Variants in DDR2 observed in about 807,000 individuals in gnomAD.
The protein encoded by DDR2 is discoidin domain-containing receptor 2.
In DDR2, 27 loss-of-function variants were observed where a neutral mutation model predicts 94.9. The observed-to-expected ratio is 0.28, with a 90% CI of 0.21 to 0.39. DDR2 has a LOEUF of 0.39. Among genes scored for constraint, DDR2 ranks in the 10% least tolerant of loss-of-function variants. DDR2 has a pLI of 1.00. For synonymous variants in DDR2, 382 were observed against 377.2 expected (o/e 1.01, Z -0.15); for missense variants, 783 against 1,076.0 (o/e 0.73, Z 3.81).
chr1:162,652,264 T>C (rs1346015938), intron 1 of DDR2, among the ~76,000 whole-genome samples: 1 of 152,220 alleles, frequency 6.6e-6, no homozygotes, highest in Non-Finnish European at 1.5e-5. Flanking sequence ...GTTTTCTGTA[T>C]GCCTTATGGA....
intron 3 of DDR2, among the ~76,000 whole-genome samples, chr1:162,745,814 A>C (rs1286665645): frequency 6.6e-6 from 1 of 152,200 alleles, no homozygotes; most frequent in Non-Finnish European, 1.5e-5. Context: ...TTGTGGTTCC[A>C]TATAAATTTT....
At chr1:162,645,477 T>C (rs1657361072) in intron 1 of DDR2, among the ~76,000 whole-genome samples, 1 of 152,152 alleles carries the variant, frequency 6.6e-6, no homozygotes, top group Non-Finnish European at 1.5e-5. Flanking sequence ...AAATCAAATA[T>C]AACTATGAAA....
Position 162,715,235 on chromosome 1 carries a change from T to G in DDR2, c.-27-3802T>G, listed in dbSNP as rs564760597. Among the ~76,000 whole-genome samples, 3 of 152,228 alleles carry G rather than the reference T, an allele frequency of 2.0e-5. No homozygotes were observed. In the South Asian group the frequency reaches 6.2e-4, roughly 32 times the overall value. ...GTAGTGTTGAGACTACAACAACGAA[T>G]AAAATGAACATGGAGCTTGTGTGTG... On this transcript the variant is annotated intron_variant, in intron 2 of 17. Coordinates refer to ENST00000367921, the MANE Select transcript of DDR2 (RefSeq NM_006182.4).
chr1:162,779,969 A>C, intron 17 of DDR2, 143 bp from the exon 18 acceptor site: 1 of 1,207,122 alleles, frequency 8.3e-7, no homozygotes, highest in Non-Finnish European at 1.2e-6. Flanking sequence ...AAAAATGGAC[A>C]CTACACCCAT....
At chr1:162,664,001 T>C (rs1658427420) in intron 2 of DDR2, among the ~76,000 whole-genome samples, 1 of 151,762 alleles carries the variant, frequency 6.6e-6, no homozygotes, top group Non-Finnish European at 1.5e-5. Flanking sequence ...GAACTGAAAA[T>C]ATCCAAGAGT....
intron 1 of DDR2, among the ~76,000 whole-genome samples, chr1:162,649,500 CA>C (rs1371970366): frequency 2.0e-5 from 3 of 152,122 alleles, no homozygotes; most frequent in Non-Finnish European, 4.4e-5. Flanking sequence ...TCAGTTTCCC[CA>C]GGGGTTATGT....
rs1286548568 is a variant in DDR2, at chr1:162,754,704, T to C, written c.266T>C (p.Ile89Thr). ...EPDDLKEFLQ[I>T]DLHTLHFITL... ...GATGACCTGAAGGAGTTTCTGCAGATTGACTTGCACACCCTCCATTTTATC... is the reference window on the plus strand; with the variant it reads ...GATGACCTGAAGGAGTTTCTGCAGACTGACTTGCACACCCTCCATTTTATC... Residue 89 changes from isoleucine to threonine, a missense_variant, in exon 5 of 18, where the codon ATT (isoleucine) becomes ACT (threonine). This residue lies in a region of DDR2 where 519 missense variants were observed against 647.9 expected (regional missense o/e 0.80). Coordinates refer to ENST00000367921, the MANE Select transcript of DDR2 (RefSeq NM_006182.4). 10 of 1,614,126 alleles carry C rather than the reference T, an allele frequency of 6.2e-6. No individual in the cohort carries two copies. Among genetic ancestry groups the C allele is most frequent in the African/African-American group, 2.7e-5 (2 of 75,036 alleles).
chr1:162,718,925 G>T (rs568551968), intron 2 of DDR2, 112 bp from the exon 3 acceptor site: 3 of 1,110,306 alleles, frequency 2.7e-6, no homozygotes, highest in Non-Finnish European at 4.0e-6. Flanking sequence ...AACAAACACT[G>T]CAGGAACACA....
In DDR2 at chr1:162,780,415, A is replaced by ATG; in HGVS notation, c.*170_*171insGT. ...CCCCCACTCCCTACCCCTGACTCATATACACTTTTTTTTTTTTTTACATTA... is the reference window on the plus strand; with the variant it reads ...CCCCCACTCCCTACCCCTGACTCATATGTACACTTTTTTTTTTTTTTACATTA... On this transcript the variant is annotated 3_prime_UTR_variant, in exon 18 of 18. Coordinates refer to ENST00000367921, the MANE Select transcript of DDR2 (RefSeq NM_006182.4). The ATG allele has an allele frequency of 1.3e-6, 1 of 744,638 alleles. No homozygotes were observed. The highest frequency in any genetic ancestry group is 1.9e-6 in the Non-Finnish European group (1 of 527,590). 46.1% of individuals were successfully genotyped at this position (744,638 alleles called of 1,614,324 possible).
At position 162,747,781 on chromosome 1, in the gene DDR2, A is replaced by G. The variant is rs142305405; in HGVS notation, c.83-5314A>G. On this transcript the variant is annotated intron_variant, in intron 3 of 17. Transcript: ENST00000367921. ...TCAGGTTACCCACAAAGGGAAGCCCATCAGCCTAATAGCGGATCTCTCAGC... is the reference window on the plus strand; with the variant it reads ...TCAGGTTACCCACAAAGGGAAGCCCGTCAGCCTAATAGCGGATCTCTCAGC... Among the ~76,000 whole-genome samples the G allele has an allele frequency of 3.5e-3, 536 of 152,362 alleles. 6 individuals carry two copies. Among genetic ancestry groups the G allele is most frequent in the East Asian group, 0.035 (181 of 5,192 alleles).
chr1:162,669,473 T>A (rs1443704907), intron 2 of DDR2, among the ~76,000 whole-genome samples: 1 of 152,178 alleles, frequency 6.6e-6, no homozygotes, highest in African/African-American at 2.4e-5. Context: ...CACATCACAG[T>A]CAAGTCCAAA....
intron 13 of DDR2, 43 bp downstream of exon 13, chr1:162,772,290 T>C: frequency 6.3e-7 from 1 of 1,599,630 alleles, no homozygotes; most frequent in South Asian, 1.1e-5. Flanking sequence ...AAGAAGGTGG[T>C]TGGATAAAAA....
chr1:162,692,217 C>A (rs1175487062), intron 2 of DDR2, among the ~76,000 whole-genome samples: 3 of 152,222 alleles, frequency 2.0e-5, no homozygotes, highest in African/African-American at 7.2e-5. Context: ...TGCCTTCCCT[C>A]CACCTCCACT....
chr1:162,781,563 CCTT>C lies in DDR2; in HGVS notation c.*1320_*1322del, dbSNP rs1558085131. ...GGTGGTATGAGACAATGTTTAATGT[CCTT>C]CTAACTCCGAGAGTCCTTGATTCTG... On this transcript the variant is annotated 3_prime_UTR_variant, in exon 18 of 18. Coordinates refer to ENST00000367921, the MANE Select transcript of DDR2 (RefSeq NM_006182.4). 6.6e-6 allele frequency: 1 copy of C among 152,184 alleles called. No homozygotes were observed. The highest frequency in any genetic ancestry group is 2.4e-5 in the African/African-American group (1 of 41,414). 9.4% of individuals were successfully genotyped at this position (152,184 alleles called of 1,614,324 possible).
At position 162,732,135 on chromosome 1, in the gene DDR2, A is replaced by C. The variant is rs557028067; in HGVS notation, c.82+12990A>C. 2.0e-5 allele frequency among the ~76,000 whole-genome samples: 3 copies of C among 152,328 alleles called. No homozygotes were observed. The South Asian group carries it at 6.2e-4, about 32-fold the overall frequency. On this transcript the variant is annotated intron_variant, in intron 3 of 17. Transcript: ENST00000367921. ...TTTCTGGAAAGTATTTTGGGCTTCC[A>C]GGAAAACTGCAATCCTAAAGGTCTA...
chr1:162,724,612 A>G (rs979895147), intron 3 of DDR2, among the ~76,000 whole-genome samples: 1 of 152,016 alleles, frequency 6.6e-6, no homozygotes, highest in African/African-American at 2.4e-5. Context: ...TTGGAAACTC[A>G]TTTTTGTTTC....
chr1:162,666,410 G>C (rs1487045209), intron 2 of DDR2, among the ~76,000 whole-genome samples: 2 of 152,206 alleles, frequency 1.3e-5, no homozygotes, highest in Non-Finnish European at 2.9e-5. Flanking sequence ...ATGAAGGACA[G>C]GTGTGGCTTC....
chr1:162,681,887 G>T (rs10799864), intron 2 of DDR2, among the ~76,000 whole-genome samples: 1 of 151,712 alleles, frequency 6.6e-6, no homozygotes. Context: ...ACAGCAGAAG[G>T]GAGCCATTAA....
chr1:162,673,176 C>T (rs1658952059), intron 2 of DDR2, among the ~76,000 whole-genome samples: 1 of 152,056 alleles, frequency 6.6e-6, no homozygotes, highest in South Asian at 2.1e-4. Flanking sequence ...AAAATTAATA[C>T]ATCATTAAAA....
Sources: gnomAD v4.1 joint callset for allele counts (sites outside exome capture counted in the v4.1 genomes callset) on GRCh38, gnomAD v4.1.1 for gene constraint, gnomAD v4.1.1 regional missense constraint, MANE v1.5 for transcripts, NCBI Gene and HGNC (gene_info 2026-07-23, HGNC 2026-07-21) for gene names.